MAPK10: variants seen among roughly 807,000 people sequenced by gnomAD.
MAPK10 encodes mitogen-activated protein kinase 10.
Under a neutral mutation model 59.3 loss-of-function variants are expected in MAPK10, and 25 were observed. That is an observed-to-expected ratio of 0.42 (90% CI 0.31 to 0.59). The LOEUF (loss-of-function observed/expected upper bound fraction) is 0.59. Ranked by LOEUF, MAPK10 falls within the 20% of genes least tolerant of loss-of-function variation. The probability of loss-of-function intolerance (pLI) is 0.15; values close to 1 mark genes in which losing one functional copy is unlikely to be tolerated. For synonymous variants in MAPK10, 190 were observed against 200.5 expected (o/e 0.95, Z 0.44); for missense variants, 351 against 568.9 (o/e 0.62, Z 3.90).
At chr4:86,051,212 G>C (rs1013634818) in intron 11 of MAPK10, among the ~76,000 whole-genome samples, 3 of 151,988 alleles carry the variant, frequency 2.0e-5, no homozygotes, top group East Asian at 1.9e-4. Flanking sequence ...CATTAGAAAG[G>C]GACATAATAA....
At chr4:86,451,517 G>A (rs1750717100) in intron 1 of MAPK10, among the ~76,000 whole-genome samples, 1 of 152,170 alleles carries the variant, frequency 6.6e-6, no homozygotes, top group South Asian at 2.1e-4. Flanking sequence ...GACTTCCCCA[G>A]AACCAGACCC....
At chr4:86,358,184 T>C (rs2148978002) in intron 1 of MAPK10, 1 of 981,916 alleles carries the variant, frequency 1.0e-6, no homozygotes, top group Non-Finnish European at 1.2e-6. Flanking sequence ...TTATTTGTTA[T>C]ATATTTGTAA....
At chr4:86,439,301 A>G (rs1051341177) in intron 1 of MAPK10, among the ~76,000 whole-genome samples, 8 of 152,124 alleles carry the variant, frequency 5.3e-5, no homozygotes, top group Non-Finnish European at 8.8e-5. Context: ...TCTGGCAAAC[A>G]TTAATCTCTT....
At chr4:86,076,338 A>G (rs1020404048) in intron 9 of MAPK10, among the ~76,000 whole-genome samples, 1 of 152,218 alleles carries the variant, frequency 6.6e-6, no homozygotes, top group South Asian at 2.1e-4. Context: ...ATGGAAATGC[A>G]GAAATCACCC....
At chr4:86,135,153 C>G (rs1227622635) in intron 4 of MAPK10, among the ~76,000 whole-genome samples, 1 of 152,158 alleles carries the variant, frequency 6.6e-6, no homozygotes, top group African/African-American at 2.4e-5. Flanking sequence ...AAACAAAGCA[C>G]CCTAGAAGCT....
intron 2 of MAPK10, among the ~76,000 whole-genome samples, chr4:86,195,715 T>C (rs9968336): frequency 6.6e-6 from 1 of 152,120 alleles, no homozygotes; most frequent in Non-Finnish European, 1.5e-5. Flanking sequence ...ATGCTATCCC[T>C]CCCCTAGGCC....
At chr4:86,092,745 GA>G (rs1185969722) in intron 9 of MAPK10, among the ~76,000 whole-genome samples, 1 of 151,990 alleles carries the variant, frequency 6.6e-6, no homozygotes, top group Non-Finnish European at 1.5e-5. Context: ...ATCACTGTTG[GA>G]AACTGCATTT....
At chr4:86,027,511 CCT>C (rs1418488661) in intron 13 of MAPK10, 2 of 152,042 alleles carry the variant, frequency 1.3e-5, no homozygotes, top group Non-Finnish European at 2.9e-5. Context: ...TTATGCTTGG[CCT>C]GTTTATCTTC....
chr4:86,314,469 T>C (rs560429013), intron 2 of MAPK10, among the ~76,000 whole-genome samples: 1 of 152,252 alleles, frequency 6.6e-6, no homozygotes, highest in Admixed American at 6.5e-5. Context: ...CATTTTCTCT[T>C]ATTGCTGCCA....
intron 2 of MAPK10, among the ~76,000 whole-genome samples, chr4:86,337,985 G>C (rs938661683): frequency 4.0e-5 from 6 of 151,880 alleles, no homozygotes. Context: ...TCTTCCTCTC[G>C]GCCTTCCTTG....
intron 4 of MAPK10, among the ~76,000 whole-genome samples, chr4:86,149,296 T>C (rs2065798949): frequency 6.6e-6 from 1 of 152,212 alleles, no homozygotes; most frequent in South Asian, 2.1e-4. Flanking sequence ...TGATGGAGTT[T>C]CATTCTTCCA....
At chr4:86,053,136 G>A (rs1253037421) in intron 11 of MAPK10, among the ~76,000 whole-genome samples, 1 of 152,152 alleles carries the variant, frequency 6.6e-6, no homozygotes, top group Non-Finnish European at 1.5e-5. Flanking sequence ...AAGCAGGGCT[G>A]CTCACCAAAT....
intron 1 of MAPK10, among the ~76,000 whole-genome samples, chr4:86,581,911 A>ATATATATATATATATATATATATAT (rs1762322178): frequency 6.2e-5 from 1 of 16,240 alleles, no homozygotes; most frequent in African/African-American, 1.9e-4. Context: ...ATATATATAT[A>ATATATATATATATATATATATATAT]TATATATATA....
At chr4:86,295,367 C>A (rs766300470) in intron 2 of MAPK10, among the ~76,000 whole-genome samples, 1 of 152,170 alleles carries the variant, frequency 6.6e-6, no homozygotes, top group African/African-American at 2.4e-5. Flanking sequence ...ATTCTCCTCC[C>A]TACTCCTTAA....
At chr4:86,326,516 G>A (rs1012451408) in intron 2 of MAPK10, 5 of 152,152 alleles carry the variant, frequency 3.3e-5, no homozygotes, top group Non-Finnish European at 7.3e-5. Context: ...GCTTGCCATA[G>A]CTTCTCTCAA....
At chr4:86,296,359 C>A (rs1200324840) in intron 2 of MAPK10, among the ~76,000 whole-genome samples, 2 of 151,920 alleles carry the variant, frequency 1.3e-5, no homozygotes, top group Non-Finnish European at 2.9e-5. Flanking sequence ...AACAGAAGCT[C>A]CCTTCTGAGG....
intron 2 of MAPK10, among the ~76,000 whole-genome samples, chr4:86,299,143 A>G (rs555681455): frequency 2.0e-5 from 3 of 152,372 alleles, no homozygotes; most frequent in African/African-American, 7.2e-5. Flanking sequence ...TGTTTTTCAG[A>G]ATAAAAGCAG....
At chr4:86,320,540 G>A (rs561247118) in intron 2 of MAPK10, among the ~76,000 whole-genome samples, 2 of 152,198 alleles carry the variant, frequency 1.3e-5, no homozygotes, top group African/African-American at 2.4e-5. Context: ...TGAGTTCATT[G>A]TAGATTCTGG....
chr4:86,429,932 C>A (rs1369679847), intron 1 of MAPK10: 2 of 151,634 alleles, frequency 1.3e-5, no homozygotes, highest in Non-Finnish European at 2.9e-5. Context: ...ATCTGTGATT[C>A]TCTAATACTG....
Sources: allele counts gnomAD v4.1 joint callset (sites outside exome capture counted in the v4.1 genomes callset), GRCh38; gene constraint gnomAD v4.1.1; transcripts MANE v1.5; gene names NCBI Gene and HGNC (gene_info 2026-07-23, HGNC 2026-07-21).